Variants in ARHGEF7 observed in about 807,000 individuals in gnomAD.
ARHGEF7 encodes the protein PAK-interacting exchange factor beta.
A neutral mutation model predicts 109.8 loss-of-function variants in ARHGEF7; 33 were observed. The ratio of observed to expected loss-of-function variants is 0.30; its 90% CI spans 0.23 to 0.40. The LOEUF is 0.40. Ranked by LOEUF, ARHGEF7 falls within the 10% of genes least tolerant of loss-of-function variation. ARHGEF7 has a pLI of 1.00. For synonymous variants in ARHGEF7, 458 were observed against 424.6 expected (o/e 1.08, Z -0.97); for missense variants, 938 against 1,098.5 (o/e 0.85, Z 2.07).
At chr13:111,165,343 A>G (rs2077041935) in intron 2 of ARHGEF7, among the ~76,000 whole-genome samples, 1 of 152,220 alleles carries the variant, frequency 6.6e-6, no homozygotes. Flanking sequence ...CCATGTGGGC[A>G]GCCGGGTAAG....
At chr13:111,122,280 A>G (rs1392646629) in intron 1 of ARHGEF7, among the ~76,000 whole-genome samples, 1 of 152,180 alleles carries the variant, frequency 6.6e-6, no homozygotes, top group Non-Finnish European at 1.5e-5. Context: ...AGTTTCATGC[A>G]TCAGCAGGGC....
intron 6 of ARHGEF7, among the ~76,000 whole-genome samples, chr13:111,238,787 C>G (rs575592891): frequency 6.6e-6 from 1 of 152,048 alleles, no homozygotes; most frequent in Non-Finnish European, 1.5e-5. Flanking sequence ...TTTCTTAAGT[C>G]GCTGACTGGG....
At chr13:111,177,686 T>C (rs2078300409) in intron 2 of ARHGEF7, among the ~76,000 whole-genome samples, 1 of 152,228 alleles carries the variant, frequency 6.6e-6, no homozygotes, top group Non-Finnish European at 1.5e-5. Flanking sequence ...GGCCTCTCAC[T>C]AGCCTCAGAC....
intron 1 of ARHGEF7, chr13:111,153,512 C>T (rs534464542): frequency 3.4e-4 from 200 of 581,342 alleles, no homozygotes; most frequent in Middle Eastern, 1.6e-3. Context: ...CTCTACCGGA[C>T]CGAGGCCCAG....
chr13:111,256,405 G>A (rs960932037), intron 8 of ARHGEF7, among the ~76,000 whole-genome samples: 2 of 152,202 alleles, frequency 1.3e-5, no homozygotes, highest in African/African-American at 2.4e-5. Flanking sequence ...CCACACTCAG[G>A]TTCTGTCCTG....
chr13:111,163,650 C>T (rs1158927237), intron 2 of ARHGEF7, among the ~76,000 whole-genome samples: 1 of 152,082 alleles, frequency 6.6e-6, no homozygotes, highest in Admixed American at 6.5e-5. Flanking sequence ...CTGCAGCCCC[C>T]ACCCCACCAA....
chr13:111,191,903 G>GT (rs1379967228), intron 2 of ARHGEF7, among the ~76,000 whole-genome samples: 2 of 152,210 alleles, frequency 1.3e-5, no homozygotes, highest in Non-Finnish European at 2.9e-5. Context: ...AGGAGCTGTA[G>GT]TATATAGCCC....
intron 19 of ARHGEF7, among the ~76,000 whole-genome samples, chr13:111,298,462 C>T (rs192754297): frequency 1.1e-4 from 17 of 152,210 alleles, no homozygotes; most frequent in Admixed American, 8.5e-4. Flanking sequence ...AGAAGGCAGC[C>T]CAGGGCCCAC....
At chr13:111,174,427 C>T (rs1308065129) in intron 2 of ARHGEF7, among the ~76,000 whole-genome samples, 1 of 152,180 alleles carries the variant, frequency 6.6e-6, no homozygotes, top group African/African-American at 2.4e-5. Context: ...TTTCTGCCCA[C>T]CCAGCAAGGA....
chr13:111,176,876 C>A, intron 2 of ARHGEF7, among the ~76,000 whole-genome samples: 1 of 152,224 alleles, frequency 6.6e-6, no homozygotes, highest in South Asian at 2.1e-4. Flanking sequence ...CCTGCCTCAG[C>A]CTCCCCAGTA....
intron 2 of ARHGEF7, among the ~76,000 whole-genome samples, chr13:111,177,175 G>A (rs1043396481): frequency 1.3e-5 from 2 of 152,244 alleles, no homozygotes; most frequent in African/African-American, 2.4e-5. Flanking sequence ...ATCGCTTTGC[G>A]GGAGAAACGG....
chr13:111,168,154 G>A (rs1305687147), intron 2 of ARHGEF7, among the ~76,000 whole-genome samples: 1 of 152,164 alleles, frequency 6.6e-6, no homozygotes, highest in East Asian at 1.9e-4. Flanking sequence ...AGGTCATAGG[G>A]AGACTGTCAG....
Position 111,228,970 on chromosome 13 carries a change from A to C in ARHGEF7, c.671-4235A>C, listed in dbSNP as rs1368408288. ...GAAGCGGCTGGGTGGCTTCCAGTCA[A>C]GCGGAAGAGGCAAGTGAGGACTCAC... On this transcript the variant is annotated intron_variant, in intron 5 of 21. Coordinates refer to ENST00000646102, the MANE Select transcript of ARHGEF7 (RefSeq NM_001354046.2). This position sits in a 1 kb window ranked among gnomAD's most constrained non-coding sequence, Gnocchi z 4.6. Among the ~76,000 whole-genome samples, 1 of 151,990 alleles carries C rather than the reference A, an allele frequency of 6.6e-6. No homozygotes were observed. The highest frequency in any genetic ancestry group is 6.6e-5 in the Admixed American group (1 of 15,254).
chr13:111,140,499 C>T (rs542527704), intron 1 of ARHGEF7, among the ~76,000 whole-genome samples: 8 of 151,920 alleles, frequency 5.3e-5, no homozygotes, highest in African/African-American at 1.9e-4. Flanking sequence ...GTGTTGCAGG[C>T]AGAGGGAACA....
At chr13:111,218,443 C>T (rs562221086) in intron 5 of ARHGEF7, among the ~76,000 whole-genome samples, 5 of 152,096 alleles carry the variant, frequency 3.3e-5, no homozygotes, top group East Asian at 3.9e-4. Context: ...GCCGGGCTGT[C>T]GTGCTTCTTG....
intron 1 of ARHGEF7, among the ~76,000 whole-genome samples, chr13:111,125,324 G>GTT (rs2067484898): frequency 6.7e-6 from 1 of 148,618 alleles, no homozygotes; most frequent in Non-Finnish European, 1.5e-5. Context: ...TATTTGAAAT[G>GTT]TTCTTTTTTT....
intron 9 of ARHGEF7, among the ~76,000 whole-genome samples, chr13:111,270,481 A>G (rs72653548): frequency 0.11 from 16,574 of 151,856 alleles, 1,224 homozygotes; most frequent in Middle Eastern, 0.2. Context: ...ATAAAATTTC[A>G]TTTCCTTTTT....
At chr13:111,126,414 C>T (rs1342216273) in intron 1 of ARHGEF7, among the ~76,000 whole-genome samples, 4 of 151,106 alleles carry the variant, frequency 2.6e-5, no homozygotes, top group East Asian at 1.9e-4. Flanking sequence ...CACCTGAATC[C>T]GAGAGACAGT....
intron 9 of ARHGEF7, among the ~76,000 whole-genome samples, chr13:111,267,926 G>A (rs1414664652): frequency 2.6e-5 from 3 of 116,866 alleles, no homozygotes; most frequent in African/African-American, 9.5e-5. Flanking sequence ...GAAGGGGTTA[G>A]TAAGTGTTCT....
Sources: gnomAD v4.1 joint callset for allele counts (sites outside exome capture counted in the v4.1 genomes callset) on GRCh38, gnomAD v4.1.1 for gene constraint, Gnocchi (gnomAD v3.1) non-coding constraint, MANE v1.5 for transcripts, NCBI Gene and HGNC (gene_info 2026-07-23, HGNC 2026-07-21) for gene names.